HDAC4: variants seen among roughly 807,000 people sequenced by gnomAD.
HDAC4 encodes histone deacetylase 4, also known as histone deacetylase A.
HDAC4 carries 16 observed loss-of-function variants against 135.1 expected under a neutral mutation model. That is an observed-to-expected ratio of 0.12 (90% CI 0.08 to 0.18). The LOEUF (loss-of-function observed/expected upper bound fraction) is 0.18, where lower values mean the gene tolerates loss of function less well. Among genes scored for constraint, HDAC4 ranks in the 10% least tolerant of loss-of-function variants. The pLI is 1.00. For synonymous variants in HDAC4, 685 were observed against 653.4 expected, an observed-to-expected ratio of 1.05 and a Z score of -0.74; for missense variants, 1,143 against 1,511.8, an observed-to-expected ratio of 0.76 and a Z score of 4.05.
intron 2 of HDAC4, among the ~76,000 whole-genome samples, chr2:239,310,474 A>T (rs2052819747): frequency 6.6e-6 from 1 of 152,164 alleles, no homozygotes; most frequent in Non-Finnish European, 1.5e-5. Flanking sequence ...AGAGAGTGTG[A>T]TGTTCCCGGG....
At chr2:239,238,893 A>T (rs968088894) in intron 2 of HDAC4, among the ~76,000 whole-genome samples, 1 of 152,214 alleles carries the variant, frequency 6.6e-6, no homozygotes, top group Non-Finnish European at 1.5e-5. Flanking sequence ...ATTTCTGGGC[A>T]CTGGGCTGGT....
At chr2:239,093,412 C>G (rs1481119328) in intron 17 of HDAC4, among the ~76,000 whole-genome samples, 1 of 152,220 alleles carries the variant, frequency 6.6e-6, no homozygotes, top group Non-Finnish European at 1.5e-5. Context: ...GCTGGCCCCT[C>G]CTGGCTCTGG....
chr2:239,291,904 G>C (rs114926264), intron 2 of HDAC4, among the ~76,000 whole-genome samples: 1 of 152,234 alleles, frequency 6.6e-6, no homozygotes, highest in Non-Finnish European at 1.5e-5. Flanking sequence ...ACCTTTGTTT[G>C]CAAGAGTTCC....
At chr2:239,171,165 T>A (rs1206141503) in intron 5 of HDAC4, among the ~76,000 whole-genome samples, 2 of 70,038 alleles carry the variant, frequency 2.9e-5, no homozygotes, top group African/African-American at 5.8e-5. Flanking sequence ...AAACACAATC[T>A]GACCAAAAAA....
At chr2:239,383,045 G>A (rs1485516550) in intron 1 of HDAC4, among the ~76,000 whole-genome samples, 1 of 152,160 alleles carries the variant, frequency 6.6e-6, no homozygotes, top group African/African-American at 2.4e-5. Context: ...CAACTCAAGT[G>A]AAGTGTTCAT....
chr2:239,389,116 T>C (rs1374900523), intron 1 of HDAC4, among the ~76,000 whole-genome samples: 1 of 152,044 alleles, frequency 6.6e-6, no homozygotes, highest in Non-Finnish European at 1.5e-5. Flanking sequence ...TCTGTAAAAA[T>C]GCACCAATCA....
Position 239,349,766 on chromosome 2 carries a change from A to C in HDAC4, c.22+2912T>G, listed in dbSNP as rs1692987441. On this transcript the variant is annotated intron_variant, in intron 2 of 26. Coordinates refer to ENST00000543185, the MANE Select transcript of HDAC4 (RefSeq NM_001378414.1). This position sits in a 1 kb window ranked among gnomAD's most constrained non-coding sequence, Gnocchi z 5.7. Reference sequence around the variant, plus strand: ...ACGGCAGGGAAAGATGACAGCGGACAGGGCAGAGGAGGCAGCCAGCAGACT... The same window carrying C: ...ACGGCAGGGAAAGATGACAGCGGACCGGGCAGAGGAGGCAGCCAGCAGACT... Among the ~76,000 whole-genome samples, 1 of 152,232 alleles carries C rather than the reference A, an allele frequency of 6.6e-6. No homozygotes were observed. Among genetic ancestry groups the C allele is most frequent in the Admixed American group, 6.5e-5 (1 of 15,286 alleles).
At chr2:239,377,481 C>G (rs11124195) in intron 1 of HDAC4, among the ~76,000 whole-genome samples, 108,995 of 152,130 alleles carry the variant, frequency 0.72, 39,521 homozygotes, top group East Asian at 0.89. Flanking sequence ...TCTGGACCCT[C>G]CTGGAGGCCC....
chr2:239,071,978 G>T (rs936295371), intron 22 of HDAC4, among the ~76,000 whole-genome samples: 1 of 152,178 alleles, frequency 6.6e-6, no homozygotes, highest in Non-Finnish European at 1.5e-5. Flanking sequence ...GCAGCTGGGG[G>T]CTTCATCTTC....
In HDAC4 at chr2:239,068,677, G is replaced by A. The variant is rs2033839361; in HGVS notation, c.2751-70C>T. The A allele has an allele frequency of 3.0e-6, 4 of 1,342,918 alleles. No individual in the cohort carries two copies. The African/African-American group carries it at 5.7e-5, about 19-fold the overall frequency. The allele number at this position is 1,342,918 out of a possible 1,614,324, so 83.2% of individuals were successfully genotyped here. A position where few individuals can be genotyped will look rare whatever the true frequency, so the allele number is the denominator to read the frequency against. ...GACGGGACGGTCACAAAACCCCAAG[G>A]TTCCCTCTGGCATTGATAATGCCTG... On this transcript the variant is annotated intron_variant, in intron 22 of 26. Coordinates refer to ENST00000543185, the MANE Select transcript of HDAC4 (RefSeq NM_001378414.1). This position sits in a 1 kb window ranked among gnomAD's most constrained non-coding sequence, Gnocchi z 4.4.
Position 239,226,665 on chromosome 2 carries a change from T to TG in HDAC4, c.94+9927dup, listed in dbSNP as rs140938093. 5.7e-3 allele frequency among the ~76,000 whole-genome samples: 862 copies of TG among 151,736 alleles called. 23 individuals are homozygous for TG. The East Asian group carries it at 0.088, about 15-fold the overall frequency. Reference sequence around the variant, plus strand: ...GCAACAACAACAATGTAACATGTAATGGGGGGGGTGATAAATGTAGATAAC... The same window carrying TG: ...GCAACAACAACAATGTAACATGTAATGGGGGGGGGTGATAAATGTAGATAAC... On this transcript the variant is annotated intron_variant, in intron 3 of 26. Transcript: ENST00000543185.
At chr2:239,092,800 G>A (rs958762469) in intron 17 of HDAC4, among the ~76,000 whole-genome samples, 1 of 152,140 alleles carries the variant, frequency 6.6e-6, no homozygotes, top group African/African-American at 2.4e-5. Flanking sequence ...GCAGGCGGCC[G>A]CAACTGCTAA....
intron 5 of HDAC4, among the ~76,000 whole-genome samples, chr2:239,173,464 T>C (rs1186958397): frequency 6.6e-6 from 1 of 152,160 alleles, no homozygotes; most frequent in Non-Finnish European, 1.5e-5. Flanking sequence ...TCCATTCATA[T>C]TGAAACCCCG....
intron 6 of HDAC4, among the ~76,000 whole-genome samples, chr2:239,161,154 T>C (rs2042767836): frequency 6.6e-6 from 1 of 152,170 alleles, no homozygotes; most frequent in South Asian, 2.1e-4. Context: ...CTTTTTACTA[T>C]TGAGTTATAG....
intron 1 of HDAC4, among the ~76,000 whole-genome samples, chr2:239,375,375 C>A (rs1357871577): frequency 6.6e-6 from 1 of 151,448 alleles, no homozygotes; most frequent in Non-Finnish European, 1.5e-5. Context: ...GGCCACGGAC[C>A]GTCCACTCAC....
At chr2:239,341,322 A>G (rs903151988) in intron 2 of HDAC4, among the ~76,000 whole-genome samples, 2 of 152,268 alleles carry the variant, frequency 1.3e-5, no homozygotes, top group African/African-American at 4.8e-5. Flanking sequence ...AGACAGGGCC[A>G]GGCAGCACCT....
chr2:239,335,905 C>G (rs1575710724), intron 2 of HDAC4, among the ~76,000 whole-genome samples: 1 of 152,132 alleles, frequency 6.6e-6, no homozygotes, highest in East Asian at 1.9e-4. Context: ...GAATTGCATA[C>G]TTATATGAAC....
At chr2:239,224,153 G>T (rs2153136851) in intron 3 of HDAC4, among the ~76,000 whole-genome samples, 1 of 152,312 alleles carries the variant, frequency 6.6e-6, no homozygotes, top group South Asian at 2.1e-4. Context: ...AAAATCCTGA[G>T]GTCACCCTCG....
At chr2:239,263,531 C>T (rs1336980404) in intron 2 of HDAC4, among the ~76,000 whole-genome samples, 1 of 152,204 alleles carries the variant, frequency 6.6e-6, no homozygotes, top group Admixed American at 6.5e-5. Context: ...TGATGCCCAA[C>T]GGGTATTGCT....
Sources: allele counts gnomAD v4.1 joint callset (sites outside exome capture counted in the v4.1 genomes callset), GRCh38; gene constraint gnomAD v4.1.1; non-coding constraint Gnocchi (gnomAD v3.1); transcripts MANE v1.5; gene names NCBI Gene and HGNC (gene_info 2026-07-23, HGNC 2026-07-21).